BTBD2: variants seen among roughly 807,000 people sequenced by gnomAD.
BTBD2 encodes BTB domain containing 2.
A neutral mutation model predicts 44.0 loss-of-function variants in BTBD2; 15 were observed. The observed-to-expected ratio is 0.34, with a 90% CI of 0.23 to 0.53. The LOEUF is 0.53. Among genes scored for constraint, BTBD2 ranks in the 20% least tolerant of loss-of-function variants. The pLI is 0.95. For missense variants in BTBD2, 657 were observed against 746.4 expected (o/e 0.88, Z 1.39); for synonymous variants, 443 against 335.9 (o/e 1.32, Z -3.49).
chr19:2,007,573 C>T (rs996541120), intron 1 of BTBD2, among the ~76,000 whole-genome samples: 4 of 152,188 alleles, frequency 2.6e-5, no homozygotes, highest in Admixed American at 2.0e-4. Flanking sequence ...CGGTAGCTCA[C>T]ACCTGTAATC....
Position 1,986,452 on chromosome 19 carries a change from C to T in BTBD2, c.*36G>A, listed in dbSNP as rs1383439054. The stretch of plus-strand genomic sequence containing the variant: ...GATGATGGCCTGGGGCTGCGGCTAT[C>T]CCCACGGAGGGAGGGCGGTGTCGGT... On this transcript the variant is annotated 3_prime_UTR_variant, in exon 9 of 9. Transcript: ENST00000255608. 2 of 1,607,324 alleles carry T rather than the reference C, an allele frequency of 1.2e-6. No homozygotes were observed. Among genetic ancestry groups the T allele is most frequent in the Non-Finnish European group, 8.5e-7 (1 of 1,174,986 alleles).
chr19:1,990,068 C>T lies in BTBD2; in HGVS notation c.924G>A (p.Lys308=). The T allele has an allele frequency of 6.2e-7, 1 of 1,613,382 alleles. No homozygotes were observed. The highest frequency in any genetic ancestry group is 8.5e-7 in the Non-Finnish European group (1 of 1,180,042). ...TGAGGCCCAGGGCCTTGCCCAGAAC[C>T]TTCCGCCTGTTCTCTGGCGTCACCT... is the stretch of plus-strand genomic sequence containing the variant. ...QLQVTPENRR[K]VLGKALGLIR... Residue 308 remains lysine (K), a synonymous_variant, in exon 5 of 9, where the codon AAG becomes AAA. Coordinates refer to ENST00000255608, the MANE Select transcript of BTBD2 (RefSeq NM_017797.4).
At chr19:1,988,094 T>C (rs2016119094) in intron 5 of BTBD2, 2 of 180,372 alleles carry the variant, frequency 1.1e-5, no homozygotes, top group Non-Finnish European at 2.3e-5. Context: ...GCTAGGCCTG[T>C]ACCCCCCAGG....
intron 1 of BTBD2, among the ~76,000 whole-genome samples, chr19:2,005,720 T>C (rs1318948046): frequency 1.3e-5 from 2 of 150,852 alleles, no homozygotes; most frequent in African/African-American, 2.4e-5. Context: ...AGGCAGAGGT[T>C]GCAGTGAACC....
intron 1 of BTBD2, among the ~76,000 whole-genome samples, chr19:1,999,388 C>G (rs555972568): frequency 6.6e-6 from 1 of 152,206 alleles, no homozygotes; most frequent in East Asian, 1.9e-4. Flanking sequence ...AGAAACAGGC[C>G]GGGCACGGTG....
intron 1 of BTBD2, among the ~76,000 whole-genome samples, chr19:2,009,450 G>A (rs983670144): frequency 4.6e-5 from 7 of 150,994 alleles, no homozygotes; most frequent in East Asian, 4.0e-4. Context: ...CGCCTGACTC[G>A]GCCTCCCAAA....
intron 1 of BTBD2, among the ~76,000 whole-genome samples, chr19:2,009,910 T>C (rs935791977): frequency 5.3e-5 from 8 of 151,562 alleles, no homozygotes; most frequent in African/African-American, 1.5e-4. Context: ...TCCCAGCACT[T>C]TGGGAGGCCG....
chr19:2,012,235 C>T (rs1485125959), intron 1 of BTBD2, among the ~76,000 whole-genome samples: 1 of 150,984 alleles, frequency 6.6e-6, no homozygotes, highest in Non-Finnish European at 1.5e-5. Context: ...TCCCTGCAAC[C>T]TCCACCTCCT....
intron 2 of BTBD2, among the ~76,000 whole-genome samples, chr19:1,995,095 G>A (rs2016232748): frequency 1.3e-5 from 2 of 151,940 alleles, no homozygotes; most frequent in Non-Finnish European, 2.9e-5. Context: ...AGCTTCCTGA[G>A]TAGCTGGGGT....
intron 1 of BTBD2, among the ~76,000 whole-genome samples, chr19:2,007,605 G>T (rs1455341251): frequency 1.3e-5 from 2 of 152,110 alleles, no homozygotes; most frequent in Non-Finnish European, 2.9e-5. Flanking sequence ...GGAGGCCGGG[G>T]ATAGCCTGAG....
At chr19:1,994,529 G>C (rs1599351755) in intron 2 of BTBD2, among the ~76,000 whole-genome samples, 2 of 152,196 alleles carry the variant, frequency 1.3e-5, no homozygotes, top group South Asian at 2.1e-4. Flanking sequence ...GGGAGGCTGA[G>C]GCAGGCGGAT....
intron 1 of BTBD2, among the ~76,000 whole-genome samples, chr19:2,001,074 A>G (rs2016323988): frequency 6.6e-6 from 1 of 152,160 alleles, no homozygotes; most frequent in Non-Finnish European, 1.5e-5. Context: ...ACCTAAGATC[A>G]GGAGTTCGAG....
rs117520753 is a variant in BTBD2, at chr19:1,998,170, G to A, written c.408-707C>T. Among the ~76,000 whole-genome samples, 161 of 152,152 alleles carry A rather than the reference G, an allele frequency of 1.1e-3. 4 individuals carry two copies. In the East Asian group the frequency reaches 0.023, roughly 22 times the overall value. ...ATTATTCACTCATTCATTCACACTC[G>A]TCTACTCTCTATCACTCTCCTGCTC... On this transcript the variant is annotated intron_variant, in intron 1 of 8. Transcript: ENST00000255608.
chr19:1,992,890 C>T (rs942232047), intron 3 of BTBD2, 130 bp downstream of exon 3: 2 of 929,784 alleles, frequency 2.2e-6, no homozygotes, highest in Non-Finnish European at 2.9e-6. Context: ...ATTTTACTAC[C>T]AGGCAGGAGC....
At chr19:1,990,438 T>G in intron 4 of BTBD2, 1 of 615,260 alleles carries the variant, frequency 1.6e-6, no homozygotes, top group African/African-American at 1.8e-5. Flanking sequence ...TGAGTAGCTT[T>G]GACAAAAGCT....
chr19:1,986,714 G>C (rs570853946), intron 8 of BTBD2, 65 bp from the exon 9 acceptor site: 2 of 1,593,390 alleles, frequency 1.3e-6, no homozygotes, highest in African/African-American at 1.3e-5. Flanking sequence ...GGTGTGGACA[G>C]GGCAAGGCCC....
intron 3 of BTBD2, chr19:1,991,896 A>G (rs548716354): frequency 6.7e-6 from 1 of 150,126 alleles, no homozygotes; most frequent in East Asian, 1.9e-4. Context: ...CCTTAGAGAG[A>G]GAGAGAAAGT....
At chr19:2,009,164 G>A (rs180964771) in intron 1 of BTBD2, among the ~76,000 whole-genome samples, 7 of 151,234 alleles carry the variant, frequency 4.6e-5, no homozygotes, top group East Asian at 4.0e-4. Flanking sequence ...GGTTACAGGC[G>A]CTCGCCACCA....
chr19:2,001,830 C>T (rs1370792047), intron 1 of BTBD2, among the ~76,000 whole-genome samples: 5 of 152,078 alleles, frequency 3.3e-5, no homozygotes, highest in East Asian at 3.9e-4. Context: ...CTCCGCCTCC[C>T]GAGTTCCAGT....
Sources: gnomAD v4.1 joint callset for allele counts (sites outside exome capture counted in the v4.1 genomes callset) on GRCh38, gnomAD v4.1.1 for gene constraint, MANE v1.5 for transcripts, NCBI Gene and HGNC (gene_info 2026-07-23, HGNC 2026-07-21) for gene names.